ATP13A4: variants seen among roughly 807,000 people sequenced by gnomAD.
ATP13A4 encodes ATPase 13A4, also known as probable cation-transporting ATPase 13A4.
ATP13A4 carries 114 observed loss-of-function variants against 142.5 expected under a neutral mutation model. The ratio of observed to expected loss-of-function variants is 0.80; its 90% CI spans 0.69 to 0.93. The LOEUF (loss-of-function observed/expected upper bound fraction) is 0.93. Ranked by LOEUF, ATP13A4 falls within the 40% of genes least tolerant of loss-of-function variation. ATP13A4 has a pLI of 0.00. For missense variants in ATP13A4, 1,392 were observed against 1,454.0 expected (o/e 0.96, Z 0.69); for synonymous variants, 488 against 514.8 (o/e 0.95, Z 0.70).
chr3:193,413,708 T>G (rs2101538), intron 26 of ATP13A4, among the ~76,000 whole-genome samples: 1 of 152,116 alleles, frequency 6.6e-6, no homozygotes, highest in Non-Finnish European at 1.5e-5. Context: ...CTTATTAGGA[T>G]GGGGGAAAAA....
intron 2 of ATP13A4, among the ~76,000 whole-genome samples, chr3:193,511,374 G>A (rs1408126652): frequency 6.6e-6 from 1 of 152,140 alleles, no homozygotes; most frequent in African/African-American, 2.4e-5. Context: ...GCAACTAGGA[G>A]AGATCACCCG....
At chr3:193,519,963 C>A (rs1489517820) in intron 1 of ATP13A4, among the ~76,000 whole-genome samples, 1 of 151,854 alleles carries the variant, frequency 6.6e-6, no homozygotes, top group African/African-American at 2.4e-5. Context: ...CTATTTTTTG[C>A]TTGCTTTTCT....
chr3:193,496,786 G>A (rs977539331), intron 3 of ATP13A4, among the ~76,000 whole-genome samples: 1 of 148,818 alleles, frequency 6.7e-6, no homozygotes, highest in African/African-American at 2.5e-5. Context: ...GCACGACTCT[G>A]TCTCAAAATA....
chr3:193,521,597 C>T (rs1218078214), intron 1 of ATP13A4, among the ~76,000 whole-genome samples: 4 of 152,164 alleles, frequency 2.6e-5, no homozygotes, highest in African/African-American at 9.7e-5. Context: ...GTACGCTACT[C>T]TAGATACGGC....
intron 7 of ATP13A4, among the ~76,000 whole-genome samples, chr3:193,487,974 C>G (rs1470811911): frequency 1.3e-5 from 2 of 152,108 alleles, no homozygotes; most frequent in African/African-American, 4.8e-5. Flanking sequence ...GGTTCAAGTT[C>G]AAGTGGAGGC....
intron 25 of ATP13A4, among the ~76,000 whole-genome samples, chr3:193,424,299 A>G (rs537308768): frequency 5.9e-4 from 78 of 131,560 alleles, no homozygotes; most frequent in Non-Finnish European, 1.1e-3. Context: ...TCAAAACACC[A>G]AAGAAATTTT....
At chr3:193,570,451 C>T (rs972690937) in intron 2 of ATP13A4, among the ~76,000 whole-genome samples, 21 of 152,088 alleles carry the variant, frequency 1.4e-4, no homozygotes, top group African/African-American at 4.8e-4. Flanking sequence ...ATCATTAGAA[C>T]CATGTATGAC....
At chr3:193,442,701 T>TA in intron 18 of ATP13A4, 145 bp from the exon 19 acceptor site, 1 of 786,464 alleles carries the variant, frequency 1.3e-6, no homozygotes, top group Non-Finnish European at 2.1e-6. Context: ...GCCCTGACCT[T>TA]CTGTGACTCC....
In ATP13A4 at chr3:193,407,373, C is replaced by T. The variant is rs773540648; in HGVS notation, c.3318G>A (p.Leu1106=). The T allele has an allele frequency of 1.4e-5, 23 of 1,613,404 alleles. No individual in the cohort carries two copies. The highest frequency in any genetic ancestry group is 1.8e-5 in the Non-Finnish European group (21 of 1,179,580). ...GCATGATGACAATGGAGGCCCTCCACAGGACGGGAGTGCAGAGCAGCTGGC... is the reference window on the plus strand; with the variant it reads ...GCATGATGACAATGGAGGCCCTCCATAGGACGGGAGTGCAGAGCAGCTGGC... ...RRLDLLCTPV[L]WRASIVIMLS... is the part of the protein sequence containing the mutation. Residue 1106 remains leucine, a synonymous_variant, in exon 29 of 30, where the codon CTG becomes CTA. Transcript: ENST00000342695.
intron 18 of ATP13A4, 31 bp downstream of exon 18, chr3:193,448,175 T>C (rs1441852268): frequency 1.2e-6 from 2 of 1,612,708 alleles, no homozygotes; most frequent in South Asian, 1.1e-5. Flanking sequence ...ATCAAATTCT[T>C]ACTGTTTTCA....
chr3:193,438,185 A>G (rs1004114242), intron 23 of ATP13A4, among the ~76,000 whole-genome samples: 4 of 152,174 alleles, frequency 2.6e-5, no homozygotes, highest in African/African-American at 9.7e-5. Context: ...AGATAGTTAC[A>G]TTTGAAAAAT....
chr3:193,410,924 T>C (rs1321876916), intron 28 of ATP13A4, 58 bp downstream of exon 28: 2 of 1,146,292 alleles, frequency 1.7e-6, no homozygotes, highest in Non-Finnish European at 2.6e-6. Context: ...ATCTGCTTTT[T>C]AAAGTTAAAC....
At chr3:193,586,667 A>G (rs1444346414) in intron 1 of ATP13A4, among the ~76,000 whole-genome samples, 1 of 152,252 alleles carries the variant, frequency 6.6e-6, no homozygotes, top group Admixed American at 6.5e-5. Context: ...AAGCCAATTG[A>G]CTGCAGAAAT....
At chr3:193,441,689 A>C (rs1716652648) in intron 19 of ATP13A4, 101 bp from the exon 20 acceptor site, 1 of 1,421,604 alleles carries the variant, frequency 7.0e-7, no homozygotes, top group South Asian at 1.2e-5. Flanking sequence ...ACCAGGATCT[A>C]TCTGTAAAAG....
chr3:193,474,623 A>C (rs532268586), intron 8 of ATP13A4, among the ~76,000 whole-genome samples: 12 of 150,038 alleles, frequency 8.0e-5, no homozygotes, highest in Admixed American at 8.0e-4. Flanking sequence ...GAAAGGAAGG[A>C]GAGAGAGACG....
intron 2 of ATP13A4, chr3:193,579,041 C>G: frequency 5.4e-6 from 1 of 186,642 alleles, no homozygotes; most frequent in South Asian, 1.2e-4. Context: ...TTTGGAGATA[C>G]CAGCTTCAAA....
At chr3:193,445,185 C>T (rs1716874598) in intron 18 of ATP13A4, among the ~76,000 whole-genome samples, 1 of 152,168 alleles carries the variant, frequency 6.6e-6, no homozygotes, top group South Asian at 2.1e-4. Context: ...CACCTGTAGT[C>T]CCAGCACTTT....
At chr3:193,406,120 T>A (rs145629673) in intron 29 of ATP13A4, among the ~76,000 whole-genome samples, 3,732 of 152,246 alleles carry the variant, frequency 0.025, 89 homozygotes, top group South Asian at 0.041. Flanking sequence ...GCCTACTGAA[T>A]CAGACACACT....
At chr3:193,457,255 G>A in intron 15 of ATP13A4, 102 bp from the exon 16 acceptor site, 2 of 1,578,754 alleles carry the variant, frequency 1.3e-6, no homozygotes, top group Middle Eastern at 2.0e-4. Flanking sequence ...AAATAAGGGG[G>A]AAGGTCTCAC....
Sources: gnomAD v4.1 joint callset for allele counts (sites outside exome capture counted in the v4.1 genomes callset) on GRCh38, gnomAD v4.1.1 for gene constraint, MANE v1.5 for transcripts, NCBI Gene and HGNC (gene_info 2026-07-23, HGNC 2026-07-21) for gene names.